The following IPCEF1 variants were observed in gnomAD, a reference collection of about 807,000 sequenced individuals.
IPCEF1 encodes the protein interactor protein for cytohesin exchange factors 1.
A neutral mutation model predicts 50.9 loss-of-function variants in IPCEF1; 31 were observed. The ratio of observed to expected loss-of-function variants is 0.61; its 90% CI spans 0.46 to 0.82. The LOEUF is 0.82. Among genes scored for constraint, IPCEF1 ranks in the 40% least tolerant of loss-of-function variants. IPCEF1 has a pLI of 0.00. For missense variants in IPCEF1, 458 were observed against 514.0 expected (o/e 0.89, Z 1.05); for synonymous variants, 181 against 192.0 (o/e 0.94, Z 0.47).
chr6:154,179,982 G>C (rs1459044345), intron 10 of IPCEF1, among the ~76,000 whole-genome samples: 1 of 152,126 alleles, frequency 6.6e-6, no homozygotes, highest in Admixed American at 6.6e-5. Flanking sequence ...CATACTTTGA[G>C]TAGCAAGGCC....
At chr6:154,276,098 C>G (rs1478282757) in intron 2 of IPCEF1, among the ~76,000 whole-genome samples, 1 of 151,896 alleles carries the variant, frequency 6.6e-6, no homozygotes, top group Non-Finnish European at 1.5e-5. Context: ...GCAGGAGAAT[C>G]GCTTGAACCT....
intron 1 of IPCEF1, chr6:154,306,867 C>G (rs1162267301): frequency 6.6e-6 from 1 of 152,178 alleles, no homozygotes; most frequent in African/African-American, 2.4e-5. Flanking sequence ...TCTCACTTCC[C>G]TTAACCTGCA....
intron 1 of IPCEF1, among the ~76,000 whole-genome samples, chr6:154,355,494 C>CTT (rs34384205): frequency 4.2e-4 from 29 of 69,074 alleles, no homozygotes; most frequent in African/African-American, 1.1e-3. Context: ...TTCTTTCTTT[C>CTT]TTTTTTTTTT....
intron 10 of IPCEF1, among the ~76,000 whole-genome samples, chr6:154,178,162 A>T (rs966581306): frequency 1.1e-4 from 16 of 152,014 alleles, no homozygotes; most frequent in Non-Finnish European, 2.1e-4. Context: ...TGGGGGAGGG[A>T]TAGCGTTAGG....
intron 10 of IPCEF1, among the ~76,000 whole-genome samples, chr6:154,185,827 T>C (rs72999470): frequency 0.014 from 2,062 of 152,360 alleles, 27 homozygotes; most frequent in Non-Finnish European, 0.021. Context: ...AGTTGATGAA[T>C]TTGTGTTGGG....
chr6:154,354,188 T>G (rs1219201195), intron 1 of IPCEF1, among the ~76,000 whole-genome samples: 2 of 152,178 alleles, frequency 1.3e-5, no homozygotes, highest in Non-Finnish European at 2.9e-5. Flanking sequence ...ATATAGATTT[T>G]GAACAGATAT....
chr6:154,237,057 C>A (rs1282966187), intron 5 of IPCEF1, among the ~76,000 whole-genome samples: 1 of 152,178 alleles, frequency 6.6e-6, no homozygotes, highest in Non-Finnish European at 1.5e-5. Context: ...TTAAACACAG[C>A]AGCACAGTGA....
intron 10 of IPCEF1, among the ~76,000 whole-genome samples, chr6:154,183,654 T>C (rs959233794): frequency 6.6e-6 from 1 of 152,148 alleles, no homozygotes; most frequent in Admixed American, 6.5e-5. Context: ...ATCCCAGGAC[T>C]TTTTGAGGCC....
intron 1 of IPCEF1, among the ~76,000 whole-genome samples, chr6:154,350,285 A>T (rs529071177): frequency 5.6e-4 from 85 of 152,354 alleles, no homozygotes; most frequent in African/African-American, 1.9e-3. Context: ...GAGGTAAATA[A>T]ATATCCCCCC....
intron 1 of IPCEF1, among the ~76,000 whole-genome samples, chr6:154,337,657 G>A (rs1036964712): frequency 3.3e-5 from 5 of 152,174 alleles, no homozygotes; most frequent in Non-Finnish European, 7.3e-5. Context: ...TCCGTTATTT[G>A]TGGGGTAGAA....
At chr6:154,296,701 C>T (rs1035099891) in intron 1 of IPCEF1, among the ~76,000 whole-genome samples, 33 of 151,736 alleles carry the variant, frequency 2.2e-4, no homozygotes, top group Admixed American at 2.0e-4. Context: ...TGGTGGCGGG[C>T]GCCTGTAGTC....
intron 1 of IPCEF1, among the ~76,000 whole-genome samples, chr6:154,307,784 T>C (rs1001792812): frequency 1.3e-5 from 2 of 152,220 alleles, no homozygotes; most frequent in African/African-American, 4.8e-5. Flanking sequence ...TATACCCTAC[T>C]CTTTGCTTCA....
intron 2 of IPCEF1, among the ~76,000 whole-genome samples, chr6:154,280,118 T>C (rs1782169222): frequency 6.6e-6 from 1 of 152,234 alleles, no homozygotes; most frequent in African/African-American, 2.4e-5. Context: ...AAAATTATTT[T>C]GGAAAAGTGT....
intron 1 of IPCEF1, among the ~76,000 whole-genome samples, chr6:154,310,001 T>G (rs1783040177): frequency 6.6e-6 from 1 of 152,200 alleles, no homozygotes; most frequent in South Asian, 2.1e-4. Context: ...TGACCTCAAG[T>G]GATCCACCCA....
Position 154,260,499 on chromosome 6 carries a change from GTCTC to G in IPCEF1, c.36+5409_36+5412del, listed in dbSNP as rs986941297. Reference sequence around the variant, plus strand: ...AACTTTTTTTTTTTTTTGAGATGGAGTCTCTCTCTATCCCCCAGGCTAGAGTGCA... The same window carrying G: ...AACTTTTTTTTTTTTTTGAGATGGAGTCTCTATCCCCCAGGCTAGAGTGCA... On this transcript the variant is annotated intron_variant, in intron 3 of 11. Coordinates refer to ENST00000367220, the MANE Select transcript of IPCEF1 (RefSeq NM_001130700.2). 2.6e-4 allele frequency among the ~76,000 whole-genome samples: 38 copies of G among 144,172 alleles called. 1 individual carries two copies. Among genetic ancestry groups the G allele is most frequent in the Admixed American group, 2.0e-3 (28 of 14,250 alleles). The allele number at this position is 144,172 out of a possible 152,430, so 94.6% of individuals were successfully genotyped here. A position where few individuals can be genotyped will look rare whatever the true frequency, so the allele number is the denominator to read the frequency against.
intron 9 of IPCEF1, among the ~76,000 whole-genome samples, chr6:154,203,209 C>G (rs1054188119): frequency 1.9e-4 from 29 of 152,170 alleles, no homozygotes; most frequent in African/African-American, 7.0e-4. Flanking sequence ...CAGTGCTAGT[C>G]TCTCCTCTCC....
intron 5 of IPCEF1, among the ~76,000 whole-genome samples, chr6:154,238,968 A>G (rs1780363257): frequency 6.6e-6 from 1 of 152,116 alleles, no homozygotes; most frequent in Admixed American, 6.6e-5. Context: ...CGACAAAAGT[A>G]CTATGCACTG....
In IPCEF1 at chr6:154,159,608, C is replaced by G; in HGVS notation, c.*220G>C. ...TAGGAACACAAAAAACGCCTTTCAA[C>G]TGAACTCAATCATTCCAATCTCAAT... On this transcript the variant is annotated 3_prime_UTR_variant, in exon 12 of 12. Transcript: ENST00000367220. The G allele has an allele frequency of 1.8e-6, 1 of 547,564 alleles. No homozygotes were observed. The allele number at this position is 547,564 out of a possible 1,614,324, so 33.9% of individuals were successfully genotyped here.
intron 5 of IPCEF1, among the ~76,000 whole-genome samples, chr6:154,236,136 G>A (rs910759205): frequency 2.0e-5 from 3 of 152,152 alleles, no homozygotes; most frequent in African/African-American, 7.2e-5. Context: ...AAAGGTAGAA[G>A]CGACCCAAGT....
Sources: gnomAD v4.1 joint callset for allele counts (sites outside exome capture counted in the v4.1 genomes callset) on GRCh38, gnomAD v4.1.1 for gene constraint, MANE v1.5 for transcripts, NCBI Gene and HGNC (gene_info 2026-07-23, HGNC 2026-07-21) for gene names.